CHRM5: variants seen among roughly 807,000 people sequenced by gnomAD.
CHRM5 encodes the protein muscarinic acetylcholine receptor M5.
In CHRM5, 18 loss-of-function variants were observed where a neutral mutation model predicts 39.0. The observed-to-expected ratio is 0.46, with a 90% CI of 0.32 to 0.68. CHRM5 has a LOEUF of 0.68. Ranked by LOEUF, CHRM5 falls within the 30% of genes least tolerant of loss-of-function variation. The pLI, the probability that CHRM5 is intolerant of heterozygous loss-of-function variation, is 0.04. For synonymous variants in CHRM5, 241 were observed against 246.3 expected, an observed-to-expected ratio of 0.98 and a Z score of 0.20; for missense variants, 515 against 651.1, an observed-to-expected ratio of 0.79 and a Z score of 2.28.
intron 1 of CHRM5, among the ~76,000 whole-genome samples, chr15:34,015,224 C>G (rs1897833387): frequency 6.6e-6 from 1 of 152,172 alleles, no homozygotes; most frequent in Non-Finnish European, 1.5e-5. Flanking sequence ...TGGCTCACGC[C>G]TGTAATCCCA....
At chr15:34,054,068 G>A (rs761589708) in intron 2 of CHRM5, among the ~76,000 whole-genome samples, 4 of 151,608 alleles carry the variant, frequency 2.6e-5, no homozygotes, top group South Asian at 2.1e-4. Flanking sequence ...GCCAAAAAAC[G>A]TGAAAAAAAA....
At chr15:34,041,556 A>G (rs1215272069) in intron 1 of CHRM5, among the ~76,000 whole-genome samples, 2 of 152,212 alleles carry the variant, frequency 1.3e-5, no homozygotes, top group East Asian at 3.8e-4. Flanking sequence ...AGCCAGTGTT[A>G]TTAGGGCACA....
chr15:34,037,763 C>CA (rs1899216147), intron 1 of CHRM5, among the ~76,000 whole-genome samples: 1 of 151,838 alleles, frequency 6.6e-6, no homozygotes, highest in Non-Finnish European at 1.5e-5. Context: ...AAGTTTTATA[C>CA]TTTTTTTTCC....
At chr15:33,994,737 G>A (rs1478759406) in intron 1 of CHRM5, among the ~76,000 whole-genome samples, 1 of 152,014 alleles carries the variant, frequency 6.6e-6, no homozygotes, top group East Asian at 1.9e-4. Context: ...CTGTTACAAT[G>A]GAAATCTACT....
chr15:34,002,749 T>C (rs1897184716), intron 1 of CHRM5, among the ~76,000 whole-genome samples: 1 of 152,194 alleles, frequency 6.6e-6, no homozygotes, highest in Non-Finnish European at 1.5e-5. Flanking sequence ...TCTCAGACTA[T>C]CAAATTTACA....
chr15:34,066,281 A>T lies in CHRM5; in HGVS notation c.*1965A>T, dbSNP rs1900508637. The stretch of plus-strand genomic sequence containing the variant: ...AAACCTGCTCTACCAGCGCCAGATA[A>T]ACAGTTGAGTCTTCGTTTAAGGCTT... On this transcript the variant is annotated 3_prime_UTR_variant, in exon 3 of 3. Transcript: ENST00000383263. 6.6e-6 allele frequency: 1 copy of T among 152,246 alleles called. No homozygotes were observed. The highest frequency in any genetic ancestry group is 3.2e-3 in the Middle Eastern group (1 of 316). 9.4% of individuals were successfully genotyped at this position (152,246 alleles called of 1,614,324 possible).
intron 1 of CHRM5, among the ~76,000 whole-genome samples, chr15:34,043,258 A>AG (rs1899553539): frequency 6.6e-6 from 1 of 152,030 alleles, no homozygotes; most frequent in Non-Finnish European, 1.5e-5. Flanking sequence ...AAAAAAAAAA[A>AG]AAGACTATGG....
At chr15:34,032,025 A>G (rs915354302) in intron 1 of CHRM5, among the ~76,000 whole-genome samples, 18 of 150,924 alleles carry the variant, frequency 1.2e-4, no homozygotes, top group African/African-American at 3.9e-4. Context: ...GCGCACACGC[A>G]CACACACACA....
chr15:34,008,574 C>T (rs1011607759), intron 1 of CHRM5, among the ~76,000 whole-genome samples: 6 of 150,958 alleles, frequency 4.0e-5, no homozygotes, highest in African/African-American at 1.2e-4. Context: ...CTGCAACCTC[C>T]GCCTCCCGGG....
At chr15:34,040,898 T>TAA (rs60454298) in intron 1 of CHRM5, among the ~76,000 whole-genome samples, 30 of 145,074 alleles carry the variant, frequency 2.1e-4, no homozygotes, top group African/African-American at 5.4e-4. Context: ...GGAGACTGTC[T>TAA]AAAAAAAAAA....
intron 2 of CHRM5, among the ~76,000 whole-genome samples, chr15:34,053,565 A>G (rs1016965630): frequency 2.6e-5 from 4 of 151,892 alleles, no homozygotes; most frequent in African/African-American, 9.7e-5. Flanking sequence ...CCTAACAAAA[A>G]CAAGCAGTGG....
chr15:33,984,287 A>C (rs1030401899), intron 1 of CHRM5, among the ~76,000 whole-genome samples: 1 of 152,176 alleles, frequency 6.6e-6, no homozygotes, highest in African/African-American at 2.4e-5. Context: ...GTATTAGAAA[A>C]TAAAAAGTTT....
intron 2 of CHRM5, among the ~76,000 whole-genome samples, chr15:34,053,089 C>T (rs975115515): frequency 1.3e-5 from 2 of 151,666 alleles, no homozygotes; most frequent in African/African-American, 4.8e-5. Flanking sequence ...CACTTGAGAT[C>T]AGGAATTTGA....
chr15:34,020,387 C>T (rs916386019), intron 1 of CHRM5, among the ~76,000 whole-genome samples: 4 of 152,152 alleles, frequency 2.6e-5, no homozygotes, highest in African/African-American at 9.7e-5. Flanking sequence ...TTACTGATGC[C>T]TTTACAAGTT....
intron 1 of CHRM5, among the ~76,000 whole-genome samples, chr15:34,032,209 A>G (rs916126039): frequency 5.9e-5 from 9 of 152,162 alleles, no homozygotes; most frequent in Non-Finnish European, 8.8e-5. Context: ...AATAGAAAAC[A>G]CCTTTGCAAC....
intron 1 of CHRM5, among the ~76,000 whole-genome samples, chr15:34,040,182 C>G (rs1046918780): frequency 1.3e-5 from 2 of 152,072 alleles, no homozygotes; most frequent in African/African-American, 4.8e-5. Flanking sequence ...AAAAAAAAAC[C>G]TTGCCCCTGC....
chr15:33,976,082 G>C (rs1481328151), intron 1 of CHRM5, among the ~76,000 whole-genome samples: 1 of 152,136 alleles, frequency 6.6e-6, no homozygotes, highest in East Asian at 1.9e-4. Context: ...GTGAGATGGG[G>C]CTCAAGTATT....
At chr15:33,992,118 GGTT>G (rs1163079363) in intron 1 of CHRM5, 4 of 152,270 alleles carry the variant, frequency 2.6e-5, no homozygotes, top group Non-Finnish European at 5.9e-5. Flanking sequence ...CGGGCGCGAT[GGTT>G]CACGCCTGTA....
intron 1 of CHRM5, among the ~76,000 whole-genome samples, chr15:34,032,918 C>A (rs1272153289): frequency 6.6e-6 from 1 of 152,130 alleles, no homozygotes; most frequent in Non-Finnish European, 1.5e-5. Context: ...GATGGAGAAC[C>A]TAATACAGTC....
Sources: gnomAD v4.1 joint callset for allele counts (sites outside exome capture counted in the v4.1 genomes callset) on GRCh38, gnomAD v4.1.1 for gene constraint, MANE v1.5 for transcripts, NCBI Gene and HGNC (gene_info 2026-07-23, HGNC 2026-07-21) for gene names.